The following ZNF185 variants were observed in gnomAD, a reference collection of about 807,000 sequenced individuals.
ZNF185 encodes the protein zinc finger protein 185.
ZNF185 carries 56 observed loss-of-function variants against 58.6 expected under a neutral mutation model. The observed-to-expected ratio is 0.95, with a 90% CI of 0.77 to 1.19. The LOEUF (loss-of-function observed/expected upper bound fraction) is 1.19. Ranked by LOEUF, ZNF185 falls within the 50% of genes most tolerant of loss-of-function variation. The pLI, the probability that ZNF185 is intolerant of heterozygous loss-of-function variation, is 0.00. For synonymous variants in ZNF185, 230 were observed against 215.9 expected (o/e 1.07, Z -0.57); for missense variants, 627 against 573.5 (o/e 1.09, Z -0.95).
chrX:152,944,322 C>T (rs2047555193), intron 15 of ZNF185, among the ~76,000 whole-genome samples: 1 of 112,335 alleles, frequency 8.9e-6, no homozygotes, highest in African/African-American at 3.2e-5. Flanking sequence ...GTAGCGTGTT[C>T]TTGTCTCGGG....
At chrX:152,900,859 C>T in the ZNF185 span, among the ~76,000 whole-genome samples, 6 of 112,472 alleles carry the variant, frequency 5.3e-5, no homozygotes, top group Non-Finnish European at 1.9e-5. Context: ...GTGCAAAGTT[C>T]GGCCCTTCAT....
intron 11 of ZNF185, among the ~76,000 whole-genome samples, chrX:152,927,400 G>A (rs1941061766): frequency 1.8e-5 from 2 of 111,218 alleles, no homozygotes; most frequent in African/African-American, 6.6e-5. Flanking sequence ...ACAGAGATGA[G>A]CAGCCCGCTG....
chrX:152,899,903 T>C, the ZNF185 span, among the ~76,000 whole-genome samples: 2 of 111,635 alleles, frequency 1.8e-5, no homozygotes, highest in Non-Finnish European at 3.8e-5. Context: ...CTTGCTGAGC[T>C]CCTGCATATG....
intron 15 of ZNF185, chrX:152,941,744 T>G: frequency 1.7e-6 from 2 of 1,164,831 alleles, no homozygotes; most frequent in Non-Finnish European, 2.3e-6. Flanking sequence ...TCGGCGGGGA[T>G]TCTCTTGAGG....
rs1237755799 is a variant in ZNF185 at position 152,917,126 on chromosome X, G to C, written c.225-5G>C. 5 of 1,211,385 alleles carry C rather than the reference G, an allele frequency of 4.1e-6. No homozygotes were observed. Among genetic ancestry groups the C allele is most frequent in the Non-Finnish European group, 5.6e-6 (5 of 895,432 alleles). Reference sequence around the variant, plus strand: ...CTTCACTCCACCCCTTCTTCTCTTCGGCAGGCCTCCGAGCACAAGGGCTCC... The same window carrying C: ...CTTCACTCCACCCCTTCTTCTCTTCCGCAGGCCTCCGAGCACAAGGGCTCC... On this transcript the variant is annotated splice_region_variant and splice_polypyrimidine_tract_variant and intron_variant, in intron 3 of 22. Coordinates refer to ENST00000449285, the Ensembl canonical transcript of ZNF185.
At chrX:152,952,657 G>A (rs1356541032) in intron 16 of ZNF185, among the ~76,000 whole-genome samples, 2 of 110,397 alleles carry the variant, frequency 1.8e-5, no homozygotes, top group African/African-American at 3.3e-5. Context: ...TAGAGGCATT[G>A]AAGGGGACAG....
chrX:152,945,922 G>T (rs1353004560), intron 16 of ZNF185, among the ~76,000 whole-genome samples: 1 of 112,195 alleles, frequency 8.9e-6, no homozygotes, highest in Non-Finnish European at 1.9e-5. Context: ...GCCAGAGGGA[G>T]AGAAAGGGAG....
At chrX:152,917,169 G>A (rs1444326967) in exon 4 of ZNF185, 7 of 1,209,711 alleles carry the variant, frequency 5.8e-6, no homozygotes, top group African/African-American at 1.7e-5. Flanking sequence ...TACATCATCC[G>A]GTAAGTGACC....
chrX:152,937,924 G>A (rs1556883734), intron 14 of ZNF185, 150 bp from the exon 17 acceptor site: 5 of 502,504 alleles, frequency 1.0e-5, no homozygotes, highest in South Asian at 3.2e-5. Flanking sequence ...AGTGGCATCG[G>A]TGCCACACTA....
upstream of ZNF185, among the ~76,000 whole-genome samples, chrX:152,911,836 A>G (rs1419202499): frequency 3.4e-5 from 2 of 58,484 alleles, no homozygotes; most frequent in African/African-American, 1.5e-4. Context: ...CATCCCATCC[A>G]TCCCATCCCA....
At chrX:152,968,330 AGG>A (rs2050319017) in intron 20 of ZNF185, among the ~76,000 whole-genome samples, 2 of 112,763 alleles carry the variant, frequency 1.8e-5, no homozygotes, top group African/African-American at 6.5e-5. Flanking sequence ...CAGATACTCT[AGG>A]GACCCCCCTT....
intron 9 of ZNF185, 80 bp downstream of exon 10, chrX:152,920,828 A>G: frequency 9.3e-7 from 1 of 1,080,086 alleles, no homozygotes; most frequent in Non-Finnish European, 1.3e-6. Context: ...GTAGTGTGGG[A>G]GCTGTGGAGA....
chrX:152,902,324 C>CTG, the ZNF185 span, among the ~76,000 whole-genome samples: 1 of 112,338 alleles, frequency 8.9e-6, no homozygotes, highest in Non-Finnish European at 1.9e-5. Context: ...GGTCTAGTCC[C>CTG]TGTGATCTTT....
chrX:152,949,361 TCTC>T lies in ZNF185; in HGVS notation c.1409+3900_1409+3902del, dbSNP rs782661325. Among the ~76,000 whole-genome samples, 10 of 112,493 alleles carry T rather than the reference TCTC, an allele frequency of 8.9e-5. No individual in the cohort carries two copies. In the South Asian group the frequency reaches 1.1e-3, roughly 12 times the overall value. On this transcript the variant is annotated intron_variant, in intron 16 of 22. Transcript: ENST00000449285. Reference sequence around the variant, plus strand: ...GACAGCAGCACTCTGCAAGTGCTCTTCTCCTGTTCCTCTTAGTGGTCTAAATCC... The same window carrying T: ...GACAGCAGCACTCTGCAAGTGCTCTTCTGTTCCTCTTAGTGGTCTAAATCC...
chrX:152,948,474 T>G (rs2047991232), intron 16 of ZNF185, among the ~76,000 whole-genome samples: 1 of 111,684 alleles, frequency 9.0e-6, no homozygotes, highest in Non-Finnish European at 1.9e-5. Flanking sequence ...CCTTGGACTC[T>G]GAGTCTCTCA....
At chrX:152,907,325 GCTCTGT>G in the ZNF185 span, among the ~76,000 whole-genome samples, 1 of 112,585 alleles carries the variant, frequency 8.9e-6, no homozygotes, top group Non-Finnish European at 1.9e-5. Flanking sequence ...GGGATAACAG[GCTCTGT>G]TCAGCCACCT....
chrX:152,927,232 CGTT>C (rs1208023942), intron 11 of ZNF185, among the ~76,000 whole-genome samples: 2 of 112,601 alleles, frequency 1.8e-5, no homozygotes, highest in African/African-American at 6.5e-5. Context: ...ATGTCATCGT[CGTT>C]ATCACGAGAG....
intron 19 of ZNF185, 27 bp downstream of exon 21, chrX:152,965,554 T>C (rs375823194): frequency 1.5e-5 from 17 of 1,131,787 alleles, no homozygotes; most frequent in African/African-American, 3.6e-5. Context: ...AACCCTTCCA[T>C]GTCGGCCTTC....
chrX:152,912,240 G>A (rs782367185), upstream of ZNF185, among the ~76,000 whole-genome samples: 6 of 112,593 alleles, frequency 5.3e-5, no homozygotes, highest in South Asian at 2.2e-3. Context: ...GTCTTTGTCT[G>A]GCAATAAACC....
Sources: allele counts gnomAD v4.1 joint callset (sites outside exome capture counted in the v4.1 genomes callset), GRCh38; gene constraint gnomAD v4.1.1; transcripts MANE v1.5; gene names NCBI Gene and HGNC (gene_info 2026-07-23, HGNC 2026-07-21).